The following RIPK2 variants were observed in gnomAD, a reference collection of about 807,000 sequenced individuals.
RIPK2 encodes receptor-interacting serine/threonine-protein kinase 2.
RIPK2 carries 38 observed loss-of-function variants against 60.9 expected under a neutral mutation model. That is an observed-to-expected ratio of 0.62 (90% CI 0.48 to 0.82). The LOEUF is 0.82. Ranked by LOEUF, RIPK2 falls within the 40% of genes least tolerant of loss-of-function variation. The pLI, the probability that RIPK2 is intolerant of heterozygous loss-of-function variation, is 0.00. For missense variants in RIPK2, 518 were observed against 647.0 expected (o/e 0.80, Z 2.16); for synonymous variants, 225 against 223.4 (o/e 1.01, Z -0.06).
intron 4 of RIPK2, among the ~76,000 whole-genome samples, chr8:89,771,333 G>A (rs1430809818): frequency 2.0e-5 from 3 of 151,594 alleles, no homozygotes; most frequent in Non-Finnish European, 3.0e-5. Flanking sequence ...CTGTAGGCAA[G>A]ATATTTCTAC....
At chr8:89,771,702 A>C in intron 4 of RIPK2, 39 bp from the exon 5 acceptor site, 1 of 1,418,172 alleles carries the variant, frequency 7.1e-7, no homozygotes, top group Non-Finnish European at 9.8e-7. Flanking sequence ...TGCAGAGTTC[A>C]TTTAAAATAT....
chr8:89,773,117 T>C (rs1379425676), intron 6 of RIPK2, among the ~76,000 whole-genome samples: 1 of 152,130 alleles, frequency 6.6e-6, no homozygotes, highest in Non-Finnish European at 1.5e-5. Context: ...GAGTGAGCCC[T>C]GGGAACAGAG....
intron 7 of RIPK2, among the ~76,000 whole-genome samples, chr8:89,783,511 G>T (rs1809534328): frequency 6.6e-6 from 1 of 152,076 alleles, no homozygotes. Context: ...ACAGATGTGG[G>T]TCTCTAAATC....
At chr8:89,758,900 C>T (rs1442613417) in intron 1 of RIPK2, among the ~76,000 whole-genome samples, 2 of 152,000 alleles carry the variant, frequency 1.3e-5, no homozygotes, top group Admixed American at 1.3e-4. Flanking sequence ...TATGTGGCCA[C>T]GAGAAAATTT....
intron 2 of RIPK2, among the ~76,000 whole-genome samples, chr8:89,763,381 AT>A (rs1809176340): frequency 1.3e-5 from 2 of 152,172 alleles, no homozygotes; most frequent in Admixed American, 6.5e-5. Context: ...AAAGTTCTGA[AT>A]TAGCAGGCCA....
In RIPK2 at chr8:89,772,763, C is replaced by T. The variant is rs2230802; in HGVS notation, c.788C>T (p.Ala263Val). 1,855 of 1,611,652 alleles carry T rather than the reference C, an allele frequency of 1.2e-3. 25 individuals carry two copies. The African/African-American group carries it at 0.022, about 19-fold the overall frequency. Residue 263 changes from alanine to valine, a missense_variant, in exon 6 of 11, where the codon GCA (alanine) becomes GTA (valine). Ala to Val is a moderately conservative substitution (Grantham distance 64). Transcript: ENST00000220751. ...TTGCCATATGATATACCTCACCGAG[C>T]ACGTATGATCTCTCTAATAGAAAGT... is the stretch of plus-strand genomic sequence containing the variant. ...ESLPYDIPHRARMISLIESGW... is the reference protein window; with the variant it reads ...ESLPYDIPHRVRMISLIESGW...
At chr8:89,789,092 A>C (rs1257650956) in intron 9 of RIPK2, among the ~76,000 whole-genome samples, 2 of 152,244 alleles carry the variant, frequency 1.3e-5, no homozygotes, top group Non-Finnish European at 2.9e-5. Context: ...TTTATAATTT[A>C]CACAGAACAG....
Position 89,790,525 on chromosome 8 carries a change from C to A in RIPK2, c.*109C>A, listed in dbSNP as rs1054680078. On this transcript the variant is annotated 3_prime_UTR_variant, in exon 11 of 11. Coordinates refer to ENST00000220751, the MANE Select transcript of RIPK2 (RefSeq NM_003821.6). ...GAGTATTAAAGCTTTATTGAAGGTT[C>A]TTTGGGTAAATATTAGTCTCCCTCC... 2 of 766,832 alleles carry A rather than the reference C, an allele frequency of 2.6e-6. No individual in the cohort carries two copies. Among genetic ancestry groups the A allele is most frequent in the African/African-American group, 1.8e-5 (1 of 56,828 alleles). 47.5% of individuals were successfully genotyped at this position (766,832 alleles called of 1,614,324 possible). A position where few individuals can be genotyped will look rare whatever the true frequency, so the allele number is the denominator to read the frequency against.
intron 8 of RIPK2, among the ~76,000 whole-genome samples, chr8:89,784,659 A>G (rs1200826584): frequency 6.6e-6 from 1 of 152,242 alleles, no homozygotes; most frequent in Non-Finnish European, 1.5e-5. Context: ...CCAAAAATCC[A>G]AAGCCCTCCA....
At chr8:89,787,832 C>T (rs766968442) in intron 9 of RIPK2, among the ~76,000 whole-genome samples, 1 of 151,894 alleles carries the variant, frequency 6.6e-6, no homozygotes, top group Non-Finnish European at 1.5e-5. Context: ...ATGGGGAGAT[C>T]AGTTAGGAGA....
At chr8:89,768,623 T>G (rs1178362825) in intron 3 of RIPK2, among the ~76,000 whole-genome samples, 2 of 151,770 alleles carry the variant, frequency 1.3e-5, no homozygotes, top group Non-Finnish European at 3.0e-5. Context: ...ACTGCTTTTC[T>G]CAGCTGTTCT....
rs200826927 is a variant in RIPK2 at position 89,786,651 on chromosome 8, C to T, written c.1088C>T (p.Ser363Phe). The change falls in exon 9 of 11, where the codon TCC becomes TTC. Residue 363 changes from serine to phenylalanine, a missense_variant. Ser to Phe is a radical substitution (Grantham distance 155). Coordinates refer to ENST00000220751, the MANE Select transcript of RIPK2 (RefSeq NM_003821.6). ...AGTGGTTCTCCTGAAACTTCAAGGT[C>T]CCTGCCAGCTCCTCAAGACAATGAT... Reference protein sequence around the residue: ...ENSGSPETSRSLPAPQDNDFL... With the variant: ...ENSGSPETSRFLPAPQDNDFL... The T allele has an allele frequency of 2.4e-5, 38 of 1,597,018 alleles. No individual in the cohort carries two copies. Among genetic ancestry groups the T allele is most frequent in the Non-Finnish European group, 3.3e-5 (38 of 1,168,094 alleles).
intron 2 of RIPK2, among the ~76,000 whole-genome samples, chr8:89,763,314 T>C (rs972858804): frequency 1.3e-5 from 2 of 152,218 alleles, no homozygotes; most frequent in Admixed American, 1.3e-4. Context: ...AGTGATATTT[T>C]ATTTTATATT....
At chr8:89,772,548 G>T (rs1809331334) in intron 5 of RIPK2, 119 bp from the exon 6 acceptor site, 4 of 673,048 alleles carry the variant, frequency 5.9e-6, no homozygotes, top group Non-Finnish European at 9.7e-6. Context: ...AGAAAGGGGG[G>T]TAAGGCATCA....
In RIPK2 at chr8:89,784,139, G is replaced by C. The variant is rs768096026; in HGVS notation, c.1029G>C (p.Glu343Asp). Residue 343 changes from glutamate to aspartate, a missense_variant and splice_region_variant, in exon 8 of 11, where the codon GAG (glutamate) becomes GAC (aspartate). Physicochemically the swap from Glu to Asp is conservative, Grantham distance 45 (BLOSUM62 2). Coordinates refer to ENST00000220751, the MANE Select transcript of RIPK2 (RefSeq NM_003821.6). The part of the protein sequence containing the change: ...LNIPVNHGPQ[E>D]ESCGSSQLHE... ...TACCTGTAAATCATGGTCCACAAGAGGTAAAAAAAAAAAAAAAAAAAAAAA... is the reference window on the plus strand; with the variant it reads ...TACCTGTAAATCATGGTCCACAAGACGTAAAAAAAAAAAAAAAAAAAAAAA... 1 of 567,114 alleles carries C rather than the reference G, an allele frequency of 1.8e-6. No individual in the cohort carries two copies. Among genetic ancestry groups the C allele is most frequent in the East Asian group, 4.4e-5 (1 of 22,884 alleles). The allele number at this position is 567,114 out of a possible 1,614,324, so 35.1% of individuals were successfully genotyped here. A position where few individuals can be genotyped will look rare whatever the true frequency, so the allele number is the denominator to read the frequency against.
At chr8:89,764,369 T>C (rs1451834507) in intron 2 of RIPK2, among the ~76,000 whole-genome samples, 1 of 152,134 alleles carries the variant, frequency 6.6e-6, no homozygotes, top group African/African-American at 2.4e-5. Flanking sequence ...TCATAAACAG[T>C]CTAAAATATT....
intron 7 of RIPK2, among the ~76,000 whole-genome samples, chr8:89,783,136 G>A (rs565147469): frequency 6.6e-6 from 1 of 152,252 alleles, no homozygotes; most frequent in Non-Finnish European, 1.5e-5. Context: ...AGTCATAAAT[G>A]TGCATAATGG....
At chr8:89,758,541 A>G (rs1014756579) in intron 1 of RIPK2, among the ~76,000 whole-genome samples, 22 of 152,028 alleles carry the variant, frequency 1.4e-4, no homozygotes, top group African/African-American at 5.3e-4. Flanking sequence ...ATCAGCAATC[A>G]CTGCCTAACT....
chr8:89,785,912 C>G (rs1299647954), intron 8 of RIPK2, among the ~76,000 whole-genome samples: 1 of 152,124 alleles, frequency 6.6e-6, no homozygotes, highest in Non-Finnish European at 1.5e-5. Context: ...TTTCCTGTGC[C>G]TCCATGTGGA....
Sources: allele counts gnomAD v4.1 joint callset (sites outside exome capture counted in the v4.1 genomes callset), GRCh38; gene constraint gnomAD v4.1.1; transcripts MANE v1.5; gene names NCBI Gene and HGNC (gene_info 2026-07-23, HGNC 2026-07-21).